The following WNK2 variants were observed in gnomAD, a reference collection of about 807,000 sequenced individuals.
The protein encoded by WNK2 is serine/threonine-protein kinase WNK2.
In WNK2, 67 loss-of-function variants were observed where a neutral mutation model predicts 192.1. The ratio of observed to expected loss-of-function variants is 0.35; its 90% CI spans 0.29 to 0.43. The LOEUF is 0.43. Ranked by LOEUF, WNK2 falls within the 20% of genes least tolerant of loss-of-function variation. The pLI, the probability that WNK2 is intolerant of heterozygous loss-of-function variation, is 1.00. For missense variants in WNK2, 2,698 were observed against 3,089.7 expected (o/e 0.87, Z 3.01); for synonymous variants, 1,439 against 1,393.9 (o/e 1.03, Z -0.72).
intron 4 of WNK2, among the ~76,000 whole-genome samples, chr9:93,232,131 C>T (rs1838919437): frequency 6.6e-6 from 1 of 152,142 alleles, no homozygotes; most frequent in Admixed American, 6.5e-5. Flanking sequence ...AGTGAGCAGT[C>T]GATCTTGGGG....
intron 4 of WNK2, among the ~76,000 whole-genome samples, chr9:93,232,052 C>T (rs759537369): frequency 1.2e-4 from 18 of 152,318 alleles, no homozygotes; most frequent in Non-Finnish European, 2.1e-4. Flanking sequence ...GGCACCCAAT[C>T]GGATCAGATT....
At chr9:93,227,191 G>A (rs1242684565) in intron 2 of WNK2, among the ~76,000 whole-genome samples, 1 of 150,566 alleles carries the variant, frequency 6.6e-6, no homozygotes, top group Non-Finnish European at 1.5e-5. Flanking sequence ...TCGGCTCACT[G>A]CAAGCTGCAC....
intron 9 of WNK2, 100 bp downstream of exon 9, chr9:93,253,182 T>G: frequency 9.5e-7 from 1 of 1,051,450 alleles, no homozygotes; most frequent in Non-Finnish European, 1.2e-6. Context: ...CAGGCTGCAC[T>G]GCATTGTGGT....
At chr9:93,258,148 T>A (rs770092078) in intron 11 of WNK2, among the ~76,000 whole-genome samples, 1 of 152,198 alleles carries the variant, frequency 6.6e-6, no homozygotes, top group Non-Finnish European at 1.5e-5. Context: ...CCATGTGCAT[T>A]TTTGCTGCCT....
chr9:93,273,794 G>A (rs994277058), intron 19 of WNK2, among the ~76,000 whole-genome samples: 13 of 152,164 alleles, frequency 8.5e-5, no homozygotes, highest in African/African-American at 2.9e-4. Flanking sequence ...TTGAAATTAT[G>A]TCAAGTATGT....
chr9:93,187,914 A>T (rs1240657351), intron 2 of WNK2, among the ~76,000 whole-genome samples: 3 of 151,700 alleles, frequency 2.0e-5, no homozygotes, highest in Non-Finnish European at 4.4e-5. Flanking sequence ...CCTGGGTGGG[A>T]TGTGGGGTCA....
At chr9:93,251,960 G>T (rs553630765) in intron 8 of WNK2, among the ~76,000 whole-genome samples, 1 of 152,226 alleles carries the variant, frequency 6.6e-6, no homozygotes, top group South Asian at 2.1e-4. Context: ...TTATTTTAAC[G>T]CCAAGCCAAC....
rs762929680 is a variant in WNK2, at chr9:93,257,027, C to T, written c.2270C>T (p.Pro757Leu). 18 of 1,604,386 alleles carry T rather than the reference C, an allele frequency of 1.1e-5. No homozygotes were observed. Among genetic ancestry groups the T allele is most frequent in the Non-Finnish European group, 1.5e-5 (18 of 1,177,824 alleles). Residue 757 changes from proline to leucine, a missense_variant, in exon 11 of 30, where the codon CCC becomes CTC. Transcript: ENST00000427277. The surrounding 1 kb of genome is among the most constrained non-coding windows in gnomAD (Gnocchi z 4.7). Reference protein sequence around the residue: ...QPVVPLQPVPPHLPPYLAPAS... With the variant: ...QPVVPLQPVPLHLPPYLAPAS... ...GTGGTCCCCCTCCAGCCGGTTCCCCCCCACCTGCCACCGTACCTGGCTCCA... is the reference window on the plus strand; with the variant it reads ...GTGGTCCCCCTCCAGCCGGTTCCCCTCCACCTGCCACCGTACCTGGCTCCA...
chr9:93,317,450 G>A, intron 28 of WNK2, 70 bp from the exon 29 acceptor site: 1 of 1,488,144 alleles, frequency 6.7e-7, no homozygotes, highest in African/African-American at 1.4e-5. Flanking sequence ...TGGCACCCTG[G>A]GGGCCACTAA....
At chr9:93,291,796 C>T (rs1849408779) in intron 21 of WNK2, among the ~76,000 whole-genome samples, 1 of 152,210 alleles carries the variant, frequency 6.6e-6, no homozygotes, top group African/African-American at 2.4e-5. Flanking sequence ...CTTGGCTTTT[C>T]TGGTTGCCTC....
chr9:93,201,189 G>C (rs1832282182), intron 2 of WNK2, among the ~76,000 whole-genome samples: 1 of 152,100 alleles, frequency 6.6e-6, no homozygotes, highest in Admixed American at 6.5e-5. Context: ...TGTGGCCCTG[G>C]CTCTTAACAG....
chr9:93,246,060 T>A (rs910331974), intron 7 of WNK2, among the ~76,000 whole-genome samples: 5 of 152,172 alleles, frequency 3.3e-5, no homozygotes, highest in African/African-American at 1.2e-4. Flanking sequence ...GCCCCCCACC[T>A]GATACCAGCA....
intron 27 of WNK2, 39 bp downstream of exon 27, chr9:93,306,860 C>G: frequency 6.2e-7 from 1 of 1,613,426 alleles, no homozygotes; most frequent in Admixed American, 1.7e-5. Context: ...CCTCTCTCAT[C>G]GCATGGGCTT....
intron 7 of WNK2, 64 bp downstream of exon 7, chr9:93,240,040 G>A (rs1840488155): frequency 2.6e-6 from 4 of 1,516,424 alleles, no homozygotes; most frequent in East Asian, 4.8e-5. Context: ...TTCCAAGGAT[G>A]AGAACAAAAG....
chr9:93,189,592 C>T (rs1482274139), intron 2 of WNK2, among the ~76,000 whole-genome samples: 1 of 152,220 alleles, frequency 6.6e-6, no homozygotes, highest in African/African-American at 2.4e-5. Context: ...CCAGAGGAGA[C>T]TCGCTGAGTA....
chr9:93,318,267 T>A, intron 29 of WNK2: 1 of 1,505,202 alleles, frequency 6.6e-7, no homozygotes, highest in Non-Finnish European at 8.8e-7. Flanking sequence ...AATCTGAAGC[T>A]GAAGTTCAAT....
chr9:93,218,418 G>T (rs919767418), intron 2 of WNK2, among the ~76,000 whole-genome samples: 1 of 152,178 alleles, frequency 6.6e-6, no homozygotes, highest in African/African-American at 2.4e-5. Flanking sequence ...TGCAGGGGTG[G>T]CCGCCTGGCC....
chr9:93,211,618 TCACTCACCCACCCACTCATC>T (rs1006756483), intron 2 of WNK2, among the ~76,000 whole-genome samples: 10 of 149,278 alleles, frequency 6.7e-5, no homozygotes, highest in Non-Finnish European at 1.0e-4. Flanking sequence ...ACCCACTCAT[TCACTCACCCACCCACTCATC>T]CACTCACCCA....
At chr9:93,209,435 G>C (rs1105079) in intron 2 of WNK2, among the ~76,000 whole-genome samples, 129,545 of 152,178 alleles carry the variant, frequency 0.85, 55,411 homozygotes, top group East Asian at 0.91. Flanking sequence ...CTTTGAGACG[G>C]GACAGGTCTT....
Sources: allele counts gnomAD v4.1 joint callset (sites outside exome capture counted in the v4.1 genomes callset), GRCh38; gene constraint gnomAD v4.1.1; non-coding constraint Gnocchi (gnomAD v3.1); transcripts MANE v1.5; gene names NCBI Gene and HGNC (gene_info 2026-07-23, HGNC 2026-07-21).